Variants in AFF2 observed in about 807,000 individuals in gnomAD.
AFF2 encodes AF4/FMR2 family member 2.
Under a neutral mutation model 76.9 loss-of-function variants are expected in AFF2, and 14 were observed. The observed-to-expected ratio is 0.18, with a 90% CI of 0.12 to 0.28. The LOEUF is 0.28. Ranked by LOEUF, AFF2 falls within the 10% of genes least tolerant of loss-of-function variation. The pLI, the probability that AFF2 is intolerant of heterozygous loss-of-function variation, is 1.00. For missense variants in AFF2, 868 were observed against 1,001.1 expected (o/e 0.87, Z 1.79); for synonymous variants, 398 against 366.7 (o/e 1.09, Z -0.98).
chrX:148,911,288 C>T (rs1291836366), intron 9 of AFF2, among the ~76,000 whole-genome samples: 1 of 111,317 alleles, frequency 9.0e-6, no homozygotes, highest in African/African-American at 3.3e-5. Flanking sequence ...TCCAAAGACA[C>T]TTGGTAAAGC....
chrX:148,982,651 G>C (rs1011682881), intron 19 of AFF2, among the ~76,000 whole-genome samples: 1 of 111,975 alleles, frequency 8.9e-6, no homozygotes, highest in Non-Finnish European at 1.9e-5. Flanking sequence ...GCTGCCCAGA[G>C]GTGGTTAAGG....
At chrX:148,710,167 T>C (rs1230611237) in intron 3 of AFF2, among the ~76,000 whole-genome samples, 2 of 111,987 alleles carry the variant, frequency 1.8e-5, no homozygotes, top group African/African-American at 6.5e-5. Context: ...AAATTACGCA[T>C]TCAACTAGTG....
Position 148,958,421 on chromosome X carries a change from T to G in AFF2, c.2653T>G (p.Ser885Ala). 5 of 1,211,019 alleles carry G rather than the reference T, an allele frequency of 4.1e-6. No individual in the cohort carries two copies. Among genetic ancestry groups the G allele is most frequent in the Non-Finnish European group, 5.6e-6 (5 of 895,121 alleles). ...TATCTGCTTGCTCCCTCCTTGCATC[T>G]CACCAGCCCCACCCCACAAGCCTCC... ...TTICLLPPCI[S>A]PAPPHKPPNT... Residue 885 changes from serine (S) to alanine (A), a missense_variant, in exon 12 of 21, where the codon TCA becomes GCA. Ser to Ala is a moderately conservative substitution (Grantham distance 99). Transcript: ENST00000370460.
At chrX:148,922,189 G>C (rs1457395081) in intron 9 of AFF2, among the ~76,000 whole-genome samples, 5 of 111,820 alleles carry the variant, frequency 4.5e-5, no homozygotes, top group Non-Finnish European at 9.4e-5. Context: ...ACTATTTTCT[G>C]TATTTCCTCC....
chrX:148,509,372 T>G (rs1193918906), intron 1 of AFF2, among the ~76,000 whole-genome samples: 1 of 111,439 alleles, frequency 9.0e-6, no homozygotes, highest in African/African-American at 3.3e-5. Flanking sequence ...ACAATTGACT[T>G]TGGACCCTGA....
At position 148,929,848 on chromosome X, in the gene AFF2, T is replaced by A. The variant is rs188318534; in HGVS notation, c.1398-23732T>A. Reference sequence around the variant, plus strand: ...AAAGATCCTACAAAATGAGTCACACTCTAGTACATGGAAGTCGGTGGGCAT... The same window carrying A: ...AAAGATCCTACAAAATGAGTCACACACTAGTACATGGAAGTCGGTGGGCAT... On this transcript the variant is annotated intron_variant, in intron 9 of 20. Coordinates refer to ENST00000370460, the MANE Select transcript of AFF2 (RefSeq NM_002025.4). Among the ~76,000 whole-genome samples the A allele has an allele frequency of 1.8e-3, 199 of 111,998 alleles. 1 individual carries two copies. Among genetic ancestry groups the A allele is most frequent in the Non-Finnish European group, 2.3e-3 (122 of 53,194 alleles).
chrX:148,987,722 A>G (rs953166725), intron 20 of AFF2, among the ~76,000 whole-genome samples, 165 bp downstream of exon 20: 5 of 111,664 alleles, frequency 4.5e-5, no homozygotes, highest in Admixed American at 9.5e-5. Context: ...ACAGTGACCT[A>G]TTATTCCTGA....
At chrX:148,501,249 C>T (rs1186158212) in intron 1 of AFF2, 105 bp downstream of exon 1, 1 of 1,018,890 alleles carries the variant, frequency 9.8e-7, no homozygotes, top group Non-Finnish European at 1.3e-6. Context: ...GGGGGCGCCC[C>T]GGACTCCCTC....
chrX:148,897,791 G>A (rs903606220), intron 8 of AFF2, among the ~76,000 whole-genome samples: 11 of 110,408 alleles, frequency 1.0e-4, no homozygotes, highest in African/African-American at 3.6e-4. Context: ...GATTGGTTAG[G>A]GGGAAGAAAA....
intron 13 of AFF2, among the ~76,000 whole-genome samples, chrX:148,966,445 C>T (rs1227178710): frequency 9.1e-6 from 1 of 109,366 alleles, no homozygotes; most frequent in Non-Finnish European, 1.9e-5. Context: ...TTCCTTTCTC[C>T]CTCCCTCCTC....
intron 1 of AFF2, among the ~76,000 whole-genome samples, chrX:148,532,489 A>G (rs1387184883): frequency 7.1e-5 from 8 of 112,627 alleles, no homozygotes; most frequent in Non-Finnish European, 1.5e-4. Flanking sequence ...AGAATGGTCA[A>G]GGAATGACTT....
intron 7 of AFF2, among the ~76,000 whole-genome samples, chrX:148,878,583 T>G (rs781794047): frequency 8.9e-6 from 1 of 112,079 alleles, no homozygotes; most frequent in South Asian, 3.7e-4. Context: ...CCAGTATGAC[T>G]CAAAGGAAAT....
At chrX:148,869,917 G>A (rs2070952261) in intron 7 of AFF2, among the ~76,000 whole-genome samples, 1 of 111,133 alleles carries the variant, frequency 9.0e-6, no homozygotes, top group Non-Finnish European at 1.9e-5. Flanking sequence ...AAGGACACCA[G>A]TCATATCGGA....
rs781847526 is a variant in AFF2, at chrX:148,603,050, T to C, written c.48-48949T>C. Among the ~76,000 whole-genome samples the C allele has an allele frequency of 2.9e-4, 32 of 111,706 alleles. No homozygotes were observed. The South Asian group carries it at 3.0e-3, about 10-fold the overall frequency. On this transcript the variant is annotated intron_variant, in intron 1 of 20. Transcript: ENST00000370460. Reference sequence around the variant, plus strand: ...GACACATTAAAAAGTCAAGAATGTGTCTAGTGAGTCAAGGGTAATGTCAGC... The same window carrying C: ...GACACATTAAAAAGTCAAGAATGTGCCTAGTGAGTCAAGGGTAATGTCAGC...
At chrX:148,856,406 G>T (rs1294609278) in intron 7 of AFF2, among the ~76,000 whole-genome samples, 10 of 111,665 alleles carry the variant, frequency 9.0e-5, no homozygotes, top group African/African-American at 3.3e-4. Context: ...TTCATGACTT[G>T]AAGCTAAATT....
chrX:148,505,051 T>C (rs188959596), intron 1 of AFF2, among the ~76,000 whole-genome samples: 5 of 111,461 alleles, frequency 4.5e-5, no homozygotes, highest in African/African-American at 1.6e-4. Context: ...TCTACCTCCA[T>C]CCATTTATCT....
At chrX:148,642,172 G>C (rs1444418669) in intron 1 of AFF2, among the ~76,000 whole-genome samples, 1 of 111,965 alleles carries the variant, frequency 8.9e-6, no homozygotes, top group Non-Finnish European at 1.9e-5. Flanking sequence ...GGCTCTGCAG[G>C]AGTGCATGGT....
chrX:148,688,751 A>C (rs1426785120), intron 3 of AFF2, among the ~76,000 whole-genome samples: 1 of 108,261 alleles, frequency 9.2e-6, no homozygotes, highest in African/African-American at 3.6e-5. Flanking sequence ...AGCATACCAC[A>C]CACCTAGGTT....
chrX:148,998,072 T>A lies in AFF2; in HGVS notation c.*6740T>A, dbSNP rs1318287240. 9.0e-6 allele frequency: 1 copy of A among 111,516 alleles called. No individual in the cohort carries two copies. The highest frequency in any genetic ancestry group is 3.3e-5 in the African/African-American group (1 of 30,125). The allele number at this position is 111,516 out of a possible 1,213,427, so 9.2% of individuals were successfully genotyped here. On this transcript the variant is annotated 3_prime_UTR_variant, in exon 21 of 21. Coordinates refer to ENST00000370460, the MANE Select transcript of AFF2 (RefSeq NM_002025.4). ...GTAGTGTTGTCTTTGATAAAATGAA[T>A]GTCAGTAGTGAGCCTTTTAGAGATA...
Sources: allele counts gnomAD v4.1 joint callset (sites outside exome capture counted in the v4.1 genomes callset), GRCh38; gene constraint gnomAD v4.1.1; transcripts MANE v1.5; gene names NCBI Gene and HGNC (gene_info 2026-07-23, HGNC 2026-07-21).